SS18L1: variants seen among roughly 807,000 people sequenced by gnomAD.
SS18L1 encodes calcium-responsive transactivator.
Under a neutral mutation model 70.3 loss-of-function variants are expected in SS18L1, and 32 were observed. The observed-to-expected ratio is 0.46, with a 90% CI of 0.34 to 0.61. The LOEUF is 0.61. Among genes scored for constraint, SS18L1 ranks in the 20% least tolerant of loss-of-function variants. SS18L1 has a pLI of 0.01. For missense variants in SS18L1, 430 were observed against 542.1 expected (o/e 0.79, Z 2.05); for synonymous variants, 237 against 229.7 (o/e 1.03, Z -0.29).
chr20:62,154,233 T>C (rs958377579), intron 1 of SS18L1: 42 of 757,186 alleles, frequency 5.5e-5, no homozygotes, highest in Middle Eastern at 6.0e-4. Flanking sequence ...GGACCATGTC[T>C]GTTGAGAACC....
intron 10 of SS18L1, among the ~76,000 whole-genome samples, chr20:62,175,965 G>C (rs1256075572): frequency 6.6e-6 from 1 of 152,250 alleles, no homozygotes; most frequent in Non-Finnish European, 1.5e-5. Context: ...TCTCCCCAGT[G>C]TGTGCTGGGC....
intron 6 of SS18L1, 50 bp downstream of exon 6, chr20:62,163,672 G>T (rs747362882): frequency 6.9e-5 from 102 of 1,486,942 alleles, no homozygotes; most frequent in South Asian, 1.9e-4. Context: ...GCCGCGGGTC[G>T]TGAAGTGCCA....
rs1489376363 is a variant in SS18L1, at chr20:62,179,819, G to T, written c.*611G>T. On this transcript the variant is annotated 3_prime_UTR_variant, in exon 11 of 11. Transcript: ENST00000331758. ...GAGGCCACAGATGGCCACTTCCAGA[G>T]CTTGCCCATTGCCTGTCTCTCGCCA... 4.4e-6 allele frequency: 1 copy of T among 229,438 alleles called. No individual in the cohort carries two copies. Among genetic ancestry groups the T allele is most frequent in the African/African-American group, 2.2e-5 (1 of 45,074 alleles). The allele number at this position is 229,438 out of a possible 1,614,324, so 14.2% of individuals were successfully genotyped here.
intron 3 of SS18L1, 129 bp downstream of exon 3, chr20:62,160,090 C>T (rs2057296920): frequency 2.1e-6 from 2 of 932,004 alleles, no homozygotes; most frequent in Non-Finnish European, 3.2e-6. Flanking sequence ...CCACTAGAGC[C>T]ACCAGAAATG....
chr20:62,156,436 G>A (rs1023349056), intron 1 of SS18L1, among the ~76,000 whole-genome samples: 3 of 152,196 alleles, frequency 2.0e-5, no homozygotes, highest in Non-Finnish European at 4.4e-5. Flanking sequence ...ATGGCTCCTC[G>A]GCCCCATTGG....
chr20:62,170,826 C>T (rs957718392), intron 8 of SS18L1, among the ~76,000 whole-genome samples: 137 of 152,116 alleles, frequency 9.0e-4, no homozygotes, highest in African/African-American at 2.4e-3. Flanking sequence ...CTGGCACTCT[C>T]ACAGTTGTTG....
chr20:62,163,767 T>C (rs1859621552), intron 6 of SS18L1, 145 bp downstream of exon 6: 1 of 1,195,816 alleles, frequency 8.4e-7, no homozygotes, highest in Non-Finnish European at 1.1e-6. Flanking sequence ...GGTGTTAACA[T>C]TGAGTGTGGA....
chr20:62,159,433 A>G lies in SS18L1; in HGVS notation c.147-444A>G, dbSNP rs553286131. Among the ~76,000 whole-genome samples the G allele has an allele frequency of 3.3e-5, 5 of 152,142 alleles. No individual in the cohort carries two copies. Among genetic ancestry groups the G allele is most frequent in the African/African-American group, 9.6e-5 (4 of 41,514 alleles). ...GTATACGAGGGGCCTTCCCTGGCAG[A>G]ACTGTGCTTCCCCATTTCTTTCCAG... On this transcript the variant is annotated intron_variant, in intron 2 of 10. Transcript: ENST00000331758. The surrounding 1 kb of genome is among the most constrained non-coding windows in gnomAD (Gnocchi z 4.4).
At position 62,172,163 on chromosome 20, in the gene SS18L1, C is replaced by CA. The variant is rs757618374; in HGVS notation, c.917-504dup. Among the ~76,000 whole-genome samples the CA allele has an allele frequency of 4.4e-3, 581 of 131,068 alleles. 1 individual carries two copies. The highest frequency in any genetic ancestry group is 0.01 in the African/African-American group (362 of 35,368). 86.0% of individuals were successfully genotyped at this position (131,068 alleles called of 152,430 possible). A position where few individuals can be genotyped will look rare whatever the true frequency, so the allele number is the denominator to read the frequency against. ...TGGGCAACAGAGCGAAACTCCATCT[C>CA]AAAAAAAAAAAAAAATTATCTGGGC... On this transcript the variant is annotated intron_variant, in intron 8 of 10. Coordinates refer to ENST00000331758, the MANE Select transcript of SS18L1 (RefSeq NM_198935.3).
chr20:62,178,152 T>A (rs2057653278), intron 10 of SS18L1, among the ~76,000 whole-genome samples: 1 of 146,022 alleles, frequency 6.8e-6, no homozygotes, highest in African/African-American at 2.5e-5. Context: ...TTTTTTTTTT[T>A]TTTTTTTTTT....
chr20:62,146,117 A>C (rs2057021302), intron 1 of SS18L1, among the ~76,000 whole-genome samples: 1 of 152,208 alleles, frequency 6.6e-6, no homozygotes, highest in Non-Finnish European at 1.5e-5. Flanking sequence ...AAGGAGAAAG[A>C]GGTCTACACC....
At chr20:62,163,889 T>C (rs114105764) in intron 6 of SS18L1, among the ~76,000 whole-genome samples, 183 of 152,196 alleles carry the variant, frequency 1.2e-3, no homozygotes, top group South Asian at 0.01. Flanking sequence ...GCCGGGCTCA[T>C]GCCTGTAGTC....
chr20:62,145,245 C>T (rs1039061838), intron 1 of SS18L1, among the ~76,000 whole-genome samples: 4 of 152,242 alleles, frequency 2.6e-5, no homozygotes, highest in Middle Eastern at 3.2e-3. Context: ...AAGCTACTGG[C>T]ATCCCGTTTA....
intron 8 of SS18L1, among the ~76,000 whole-genome samples, chr20:62,169,983 C>G (rs1201758493): frequency 6.6e-6 from 1 of 152,198 alleles, no homozygotes; most frequent in South Asian, 2.1e-4. Flanking sequence ...GACTCATCTT[C>G]CCTGGGCAGT....
intron 1 of SS18L1, among the ~76,000 whole-genome samples, chr20:62,146,115 A>C (rs1039402715): frequency 6.6e-6 from 1 of 152,064 alleles, no homozygotes; most frequent in Non-Finnish European, 1.5e-5. Flanking sequence ...TGAAGGAGAA[A>C]GAGGTCTACA....
chr20:62,167,279 A>T (rs1237345371), intron 8 of SS18L1, among the ~76,000 whole-genome samples: 1 of 149,668 alleles, frequency 6.7e-6, no homozygotes, highest in Non-Finnish European at 1.5e-5. Context: ...CCCTGACCTC[A>T]TGATCCACCT....
At position 62,161,423 on chromosome 20, in the gene SS18L1, C is replaced by T; in HGVS notation, c.232-13C>T. On this transcript the variant is annotated splice_polypyrimidine_tract_variant and intron_variant, in intron 3 of 10. Transcript: ENST00000331758. The surrounding 1 kb of genome is among the most constrained non-coding windows in gnomAD (Gnocchi z 4.4). ...TTAACCGTTTTTCCCTGAAAACTTC[C>T]TGTTGCCTGCAGCCGCCCACGCAGA... The T allele has an allele frequency of 1.2e-6, 2 of 1,612,844 alleles. No individual in the cohort carries two copies. The highest frequency in any genetic ancestry group is 1.7e-6 in the Non-Finnish European group (2 of 1,179,994).
intron 1 of SS18L1, among the ~76,000 whole-genome samples, chr20:62,157,189 C>A (rs926553097): frequency 6.6e-6 from 1 of 152,206 alleles, no homozygotes; most frequent in Non-Finnish European, 1.5e-5. Flanking sequence ...TGCCGCCTGG[C>A]CCCAGCCCCT....
In SS18L1 at chr20:62,174,612, G is replaced by A. The variant is rs1175175308; in HGVS notation, c.1132G>A (p.Ala378Thr). Residue 378 changes from alanine to threonine, a missense_variant, in exon 10 of 11, where the codon GCC (alanine) becomes ACC (threonine). Transcript: ENST00000331758. The surrounding 1 kb of genome is among the most constrained non-coding windows in gnomAD (Gnocchi z 4.1). ...SYRAPQTAPS[A>T]QQQRPYGYEQ... ...CCGAGCACCGCAGACAGCGCCGTCT[G>A]CCCAGCAGCAGCGGCCCTACGGCTA... The A allele has an allele frequency of 1.2e-6, 2 of 1,613,594 alleles. No individual in the cohort carries two copies. The highest frequency in any genetic ancestry group is 2.7e-5 in the African/African-American group (2 of 74,922).
Sources: gnomAD v4.1 joint callset for allele counts (sites outside exome capture counted in the v4.1 genomes callset) on GRCh38, gnomAD v4.1.1 for gene constraint, Gnocchi (gnomAD v3.1) non-coding constraint, MANE v1.5 for transcripts, NCBI Gene and HGNC (gene_info 2026-07-23, HGNC 2026-07-21) for gene names.